Variants in CAST observed in about 807,000 individuals in gnomAD.
The protein encoded by CAST is MIR583 host.
CAST carries 76 observed loss-of-function variants against 119.6 expected under a neutral mutation model. That is an observed-to-expected ratio of 0.64 (90% CI 0.53 to 0.77). The LOEUF is 0.77. Ranked by LOEUF, CAST falls within the 30% of genes least tolerant of loss-of-function variation. The pLI, the probability that CAST is intolerant of heterozygous loss-of-function variation, is 0.00. For missense variants in CAST, 953 were observed against 946.5 expected, an observed-to-expected ratio of 1.01 and a Z score of -0.09; for synonymous variants, 319 against 331.6, an observed-to-expected ratio of 0.96 and a Z score of 0.41.
intron 2 of CAST, among the ~76,000 whole-genome samples, chr5:96,687,945 A>G (rs182983978): frequency 6.6e-6 from 1 of 152,330 alleles, no homozygotes; most frequent in Non-Finnish European, 1.5e-5. Context: ...GGCGAATTTA[A>G]AAGATAATGA....
chr5:96,562,156 A>G (rs1337320214), intron 1 of CAST, among the ~76,000 whole-genome samples: 1 of 151,784 alleles, frequency 6.6e-6, no homozygotes, highest in Non-Finnish European at 1.5e-5. Context: ...ATATAATGGA[A>G]AATTTAGAAG....
At chr5:96,224,919 G>T in the CAST span, among the ~76,000 whole-genome samples, 1 of 152,134 alleles carries the variant, frequency 6.6e-6, no homozygotes, top group Admixed American at 6.5e-5. Flanking sequence ...CAGCTCATGT[G>T]CCCACCCCTA....
At chr5:96,016,829 G>GTTTTTTTTTTTTTTTTT in the CAST span, among the ~76,000 whole-genome samples, 1 of 97,660 alleles carries the variant, frequency 1.0e-5, no homozygotes. Flanking sequence ...GGTTATCTGG[G>GTTTTTTTTTTTTTTTTT]TTTTTTTTTT....
At chr5:96,530,260 G>A (rs577248711) in intron 1 of CAST, among the ~76,000 whole-genome samples, 5 of 151,934 alleles carry the variant, frequency 3.3e-5, no homozygotes, top group African/African-American at 1.2e-4. Flanking sequence ...AGAAGGAGGT[G>A]GAACCATAGG....
the CAST span, among the ~76,000 whole-genome samples, chr5:96,145,625 A>C: frequency 5.3e-5 from 8 of 152,202 alleles, no homozygotes; most frequent in Non-Finnish European, 1.5e-5. Flanking sequence ...CCAGAGAGAA[A>C]TTTTTGGTAA....
the CAST span, among the ~76,000 whole-genome samples, chr5:96,294,731 T>C: frequency 1.3e-5 from 2 of 152,246 alleles, no homozygotes; most frequent in Non-Finnish European, 2.9e-5. Flanking sequence ...CAGCATTTCG[T>C]TGACTATTTC....
At chr5:96,430,574 C>A in the CAST span, among the ~76,000 whole-genome samples, 2 of 152,118 alleles carry the variant, frequency 1.3e-5, no homozygotes, top group African/African-American at 4.8e-5. Context: ...TTAATCCAAG[C>A]TTTATCCTGA....
the CAST span, among the ~76,000 whole-genome samples, chr5:96,283,565 A>G: frequency 6.6e-6 from 1 of 152,156 alleles, no homozygotes; most frequent in African/African-American, 2.4e-5. Flanking sequence ...CCTGTGTTTC[A>G]TCTTTACTGA....
chr5:96,139,674 G>A, the CAST span, among the ~76,000 whole-genome samples: 1 of 151,496 alleles, frequency 6.6e-6, no homozygotes, highest in African/African-American at 2.4e-5. Flanking sequence ...TGGCATATCT[G>A]GGGAACAAAA....
chr5:96,421,474 C>T, the CAST span, among the ~76,000 whole-genome samples: 1 of 152,120 alleles, frequency 6.6e-6, no homozygotes, highest in Admixed American at 6.5e-5. Flanking sequence ...AAGTTGTGGG[C>T]ATTGTTCATA....
the CAST span, among the ~76,000 whole-genome samples, chr5:96,266,314 C>T: frequency 6.6e-6 from 1 of 152,196 alleles, no homozygotes; most frequent in African/African-American, 2.4e-5. Flanking sequence ...TAGGGGATAA[C>T]CAGCTTCCTC....
the CAST span, among the ~76,000 whole-genome samples, chr5:95,994,718 A>G: frequency 6.6e-6 from 1 of 152,162 alleles, no homozygotes; most frequent in Non-Finnish European, 1.5e-5. Flanking sequence ...GAAAAAGTTA[A>G]TTGTACCTAA....
chr5:96,696,171 C>T, intron 3 of CAST: 1 of 218,342 alleles, frequency 4.6e-6, no homozygotes. Context: ...TGACTATCTG[C>T]AGATAATATT....
the CAST span, among the ~76,000 whole-genome samples, chr5:95,988,715 T>C: frequency 1.1e-4 from 16 of 152,246 alleles, no homozygotes; most frequent in Admixed American, 9.8e-4. Context: ...ATTTGCAAAA[T>C]AGGGATAAAT....
intron 1 of CAST, among the ~76,000 whole-genome samples, chr5:96,555,256 A>G (rs1461169391): frequency 6.6e-6 from 1 of 152,186 alleles, no homozygotes; most frequent in Non-Finnish European, 1.5e-5. Context: ...TGGAGCCAAG[A>G]TGGCTGAATA....
chr5:95,994,926 TTAAA>T, the CAST span, among the ~76,000 whole-genome samples: 1 of 152,162 alleles, frequency 6.6e-6, no homozygotes, highest in African/African-American at 2.4e-5. Flanking sequence ...ATAAAGGACA[TTAAA>T]TATCACACTG....
chr5:96,450,531 T>C, the CAST span, among the ~76,000 whole-genome samples: 59 of 152,214 alleles, frequency 3.9e-4, no homozygotes, highest in Non-Finnish European at 7.1e-4. Flanking sequence ...AAGCCCAGAC[T>C]TCACTACCAG....
the CAST span, chr5:96,394,805 T>A: frequency 6.5e-7 from 1 of 1,530,160 alleles, no homozygotes; most frequent in Admixed American, 1.7e-5. Context: ...ACAGCTTCAC[T>A]GACTACATTG....
chr5:96,579,858 A>T (rs1190417954), intron 1 of CAST, among the ~76,000 whole-genome samples: 1 of 152,160 alleles, frequency 6.6e-6, no homozygotes, highest in Admixed American at 6.5e-5. Flanking sequence ...GCATTTAGAA[A>T]CTTGGAAATA....
Sources: allele counts gnomAD v4.1 joint callset (sites outside exome capture counted in the v4.1 genomes callset), GRCh38; gene constraint gnomAD v4.1.1; transcripts MANE v1.5; gene names NCBI Gene and HGNC (gene_info 2026-07-23, HGNC 2026-07-21).